The following PCTP variants were observed in gnomAD, a reference collection of about 807,000 sequenced individuals.
The protein encoded by PCTP is START domain-containing protein 2.
PCTP carries 27 observed loss-of-function variants against 31.0 expected under a neutral mutation model. The observed-to-expected ratio is 0.87, with a 90% CI of 0.64 to 1.20. The LOEUF (loss-of-function observed/expected upper bound fraction) is 1.20, where lower values mean the gene tolerates loss of function less well. Ranked by LOEUF, PCTP falls within the 50% of genes most tolerant of loss-of-function variation. The probability of loss-of-function intolerance (pLI) is 0.00; values close to 1 mark genes in which losing one functional copy is unlikely to be tolerated. For missense variants in PCTP, 287 were observed against 268.2 expected (o/e 1.07, Z -0.49); for synonymous variants, 108 against 101.2 (o/e 1.07, Z -0.40).
At chr17:55,775,690 C>T in intron 5 of PCTP, 1 of 1,208,950 alleles carries the variant, frequency 8.3e-7, no homozygotes, top group South Asian at 3.8e-5. Flanking sequence ...TTCAGTAAAG[C>T]AAGTGCTTTC....
intron 3 of PCTP, among the ~76,000 whole-genome samples, chr17:55,819,010 C>CAAAAA (rs56823756): frequency 0.02 from 1,008 of 51,200 alleles, 6 homozygotes; most frequent in African/African-American, 0.03. Context: ...GGAAAGAAAT[C>CAAAAA]AAAAAAAAAA....
chr17:55,795,556 C>T (rs1912159902), intron 3 of PCTP, among the ~76,000 whole-genome samples: 1 of 152,020 alleles, frequency 6.6e-6, no homozygotes, highest in Non-Finnish European at 1.5e-5. Flanking sequence ...TTTACAGTTT[C>T]TTCACCCATG....
chr17:55,768,085 CA>C (rs11424440), intron 2 of PCTP, among the ~76,000 whole-genome samples: 16,278 of 140,070 alleles, frequency 0.12, 970 homozygotes, highest in African/African-American at 0.17. Flanking sequence ...GACCCTGTCT[CA>C]AAAAAAAAAA....
Position 55,774,842 on chromosome 17 carries a change from A to G in PCTP, c.562A>G (p.Ile188Val), listed in dbSNP as rs2144971032. ...NPGGQIPSWLINWAAKNGVPN... is the reference protein window; with the variant it reads ...NPGGQIPSWLVNWAAKNGVPN... The stretch of plus-strand genomic sequence containing the variant: ...GGGTGGCCAAATTCCGTCCTGGCTC[A>G]TTAACTGGGCCGCCAAGGTGAGATC... The change falls in exon 5 of 6, where the codon ATT becomes GTT. Residue 188 changes from isoleucine (I) to valine (V), a missense_variant. Ile to Val is a conservative substitution (Grantham distance 29, BLOSUM62 3). Coordinates refer to ENST00000268896, the MANE Select transcript of PCTP (RefSeq NM_021213.4). The G allele has an allele frequency of 3.7e-6, 5 of 1,357,364 alleles. 1 individual carries two copies. The Admixed American group carries it at 9.9e-5, about 27-fold the overall frequency. 84.1% of individuals were successfully genotyped at this position (1,357,364 alleles called of 1,614,324 possible).
the PCTP span, among the ~76,000 whole-genome samples, chr17:55,851,525 G>A: frequency 6.6e-6 from 1 of 152,078 alleles, no homozygotes; most frequent in Non-Finnish European, 1.5e-5. Flanking sequence ...TCGTTTTAAA[G>A]GAGGGTAATC....
chr17:55,776,125 C>G lies in PCTP; in HGVS notation c.*25C>G. 6.2e-7 allele frequency: 1 copy of G among 1,613,342 alleles called. No individual in the cohort carries two copies. The highest frequency in any genetic ancestry group is 1.1e-5 in the South Asian group (1 of 90,884). On this transcript the variant is annotated 3_prime_UTR_variant, in exon 6 of 6. Transcript: ENST00000268896. ...AGAAAGAGAACTGGGAACATTGCATCCATGGGTTGATGTCTCTGGAAGTGC... is the reference window on the plus strand; with the variant it reads ...AGAAAGAGAACTGGGAACATTGCATGCATGGGTTGATGTCTCTGGAAGTGC...
At chr17:55,843,857 C>T (rs1485386398), downstream of PCTP, among the ~76,000 whole-genome samples, 1 of 152,118 alleles carries the variant, frequency 6.6e-6, no homozygotes, top group Non-Finnish European at 1.5e-5. Context: ...CACTGAAGGT[C>T]TCAAATATTG....
chr17:55,768,314 C>T (rs1482375911), intron 2 of PCTP, among the ~76,000 whole-genome samples: 2 of 152,140 alleles, frequency 1.3e-5, no homozygotes, highest in African/African-American at 4.8e-5. Context: ...GTTGTGTGAT[C>T]CTCCCATGTA....
intron 1 of PCTP, 62 bp downstream of exon 1, chr17:55,751,306 AGGGAGTGC>A (rs1395051605): frequency 1.3e-6 from 2 of 1,517,714 alleles, no homozygotes; most frequent in African/African-American, 2.8e-5. Context: ...ACCTCCCCGC[AGGGAGTGC>A]GGGGCGGCAG....
chr17:55,759,268 A>G (rs1910213263), intron 1 of PCTP, among the ~76,000 whole-genome samples: 1 of 152,212 alleles, frequency 6.6e-6, no homozygotes. Flanking sequence ...TAATCCATGT[A>G]AAAGCACTTG....
rs187770954 is a variant in PCTP at position 55,768,520 on chromosome 17, G to A, written c.259+1068G>A. Among the ~76,000 whole-genome samples, 49 of 152,270 alleles carry A rather than the reference G, an allele frequency of 3.2e-4. 1 individual carries two copies. The East Asian group carries it at 6.6e-3, about 20-fold the overall frequency. ...GCGTGAAGCAATATGTTCAATAGCC[G>A]CCAGCAGTTTGGTGTTGTTGGGTTG... On this transcript the variant is annotated intron_variant, in intron 2 of 5. Transcript: ENST00000268896.
downstream of PCTP, among the ~76,000 whole-genome samples, chr17:55,826,442 C>T (rs1346091180): frequency 6.7e-6 from 1 of 148,786 alleles, no homozygotes; most frequent in Non-Finnish European, 1.5e-5. Flanking sequence ...TGAGAGTATC[C>T]ATCTCCGAAG....
intron 3 of PCTP, among the ~76,000 whole-genome samples, chr17:55,795,022 A>T (rs1308397116): frequency 6.6e-6 from 1 of 152,070 alleles, no homozygotes; most frequent in African/African-American, 2.4e-5. Context: ...CTGTAGTCAA[A>T]GAAAATGAAT....
At chr17:55,753,770 G>A (rs1395193412) in intron 1 of PCTP, among the ~76,000 whole-genome samples, 3 of 152,228 alleles carry the variant, frequency 2.0e-5, no homozygotes, top group Non-Finnish European at 4.4e-5. Flanking sequence ...AGACGAGGCA[G>A]TTGAGGTCCA....
intron 5 of PCTP, among the ~76,000 whole-genome samples, chr17:55,834,493 A>G (rs1214331578): frequency 6.6e-6 from 1 of 152,208 alleles, no homozygotes; most frequent in Non-Finnish European, 1.5e-5. Flanking sequence ...CCACCAGGAA[A>G]GAGCCCACAT....
At chr17:55,788,816 T>G (rs1166140000) in intron 3 of PCTP, among the ~76,000 whole-genome samples, 1 of 152,198 alleles carries the variant, frequency 6.6e-6, no homozygotes, top group Non-Finnish European at 1.5e-5. Flanking sequence ...ATATTTCTTT[T>G]ATAGTCCTCA....
chr17:55,850,044 GCC>G, the PCTP span, among the ~76,000 whole-genome samples: 1 of 152,124 alleles, frequency 6.6e-6, no homozygotes, highest in South Asian at 2.1e-4. Flanking sequence ...ATGCAGAAAA[GCC>G]ATTCAAAATT....
intron 5 of PCTP, among the ~76,000 whole-genome samples, chr17:55,836,779 A>T (rs188861474): frequency 6.6e-6 from 1 of 152,330 alleles, no homozygotes; most frequent in East Asian, 1.9e-4. Context: ...CTCCATGCTA[A>T]GACTACATCA....
chr17:55,796,331 C>G (rs1322518134), intron 3 of PCTP, among the ~76,000 whole-genome samples: 1 of 151,970 alleles, frequency 6.6e-6, no homozygotes, highest in African/African-American at 2.4e-5. Context: ...AGGGATATAT[C>G]TCTGGTAGCA....
Sources: allele counts gnomAD v4.1 joint callset (sites outside exome capture counted in the v4.1 genomes callset), GRCh38; gene constraint gnomAD v4.1.1; transcripts MANE v1.5; gene names NCBI Gene and HGNC (gene_info 2026-07-23, HGNC 2026-07-21).